The following TAFA1 variants were observed in gnomAD, a reference collection of about 807,000 sequenced individuals.
The protein encoded by TAFA1 is chemokine-like protein TAFA-1.
TAFA1 carries 4 observed loss-of-function variants against 18.5 expected under a neutral mutation model. The observed-to-expected ratio is 0.22, with a 90% confidence interval of 0.11 to 0.49. TAFA1 has a LOEUF of 0.49. TAFA1 is among the 20% of genes least tolerant of loss of function. TAFA1 has a pLI of 0.98. For synonymous variants in TAFA1, 56 were observed against 55.2 expected (o/e 1.01, Z -0.06); for missense variants, 147 against 169.0 (o/e 0.87, Z 0.72).
At chr3:68,434,688 AT>A (rs2071239874) in intron 3 of TAFA1, among the ~76,000 whole-genome samples, 1 of 152,170 alleles carries the variant, frequency 6.6e-6, no homozygotes. Flanking sequence ...CTACATGATT[AT>A]TCTGATGGGA....
intron 2 of TAFA1, among the ~76,000 whole-genome samples, chr3:68,171,579 GA>G (rs1246186556): frequency 2.0e-5 from 3 of 152,110 alleles, no homozygotes; most frequent in African/African-American, 7.2e-5. Flanking sequence ...CCATACACAG[GA>G]AAAGAAGCCA....
chr3:68,345,995 T>G (rs1463179288), intron 2 of TAFA1, among the ~76,000 whole-genome samples: 1 of 152,162 alleles, frequency 6.6e-6, no homozygotes, highest in African/African-American at 2.4e-5. Flanking sequence ...CCAGAAGGAA[T>G]GGCTGGCTAC....
chr3:68,178,164 C>T (rs2066149793), intron 2 of TAFA1, among the ~76,000 whole-genome samples: 1 of 151,286 alleles, frequency 6.6e-6, no homozygotes, highest in Admixed American at 6.6e-5. Context: ...AAAAAAAATA[C>T]ATGACCCTGC....
At chr3:68,138,833 G>A (rs1380182630) in intron 2 of TAFA1, among the ~76,000 whole-genome samples, 2 of 152,202 alleles carry the variant, frequency 1.3e-5, no homozygotes, top group African/African-American at 2.4e-5. Flanking sequence ...TCATAACAGT[G>A]AGGTTGCCTT....
At chr3:68,160,539 C>G (rs945467741) in intron 2 of TAFA1, among the ~76,000 whole-genome samples, 1 of 152,146 alleles carries the variant, frequency 6.6e-6, no homozygotes, top group Non-Finnish European at 1.5e-5. Flanking sequence ...TATTTAATCT[C>G]CCTATTCATC....
At chr3:68,518,055 A>G (rs1407100216) in intron 3 of TAFA1, among the ~76,000 whole-genome samples, 1 of 152,190 alleles carries the variant, frequency 6.6e-6, no homozygotes, top group Non-Finnish European at 1.5e-5. Flanking sequence ...ACTTCCACTG[A>G]GATTCCCTTT....
intron 3 of TAFA1, among the ~76,000 whole-genome samples, chr3:68,486,268 T>C (rs924315165): frequency 2.0e-5 from 3 of 151,968 alleles, no homozygotes; most frequent in African/African-American, 7.3e-5. Flanking sequence ...AAATTCTTAT[T>C]AAACAGATTT....
intron 3 of TAFA1, among the ~76,000 whole-genome samples, chr3:68,493,960 G>C (rs927102346): frequency 6.6e-6 from 1 of 152,118 alleles, no homozygotes; most frequent in African/African-American, 2.4e-5. Flanking sequence ...AGTTTATTCA[G>C]TCTCTGATCT....
At chr3:68,401,063 C>T (rs1292021520) in intron 2 of TAFA1, among the ~76,000 whole-genome samples, 1 of 152,196 alleles carries the variant, frequency 6.6e-6, no homozygotes, top group African/African-American at 2.4e-5. Context: ...TCAGTGAAAG[C>T]AGGCGTGACC....
chr3:68,419,522 T>A (rs2070914941), intron 3 of TAFA1, among the ~76,000 whole-genome samples: 2 of 152,180 alleles, frequency 1.3e-5, no homozygotes, highest in Admixed American at 1.3e-4. Flanking sequence ...GCAAAGGGAC[T>A]ATAAATCTCT....
intron 3 of TAFA1, among the ~76,000 whole-genome samples, chr3:68,445,488 A>G (rs1158067226): frequency 1.3e-5 from 2 of 152,200 alleles, no homozygotes; most frequent in African/African-American, 4.8e-5. Context: ...AGAATTCTCC[A>G]TAGATATTTA....
chr3:68,217,986 C>T (rs1300961865), intron 2 of TAFA1, among the ~76,000 whole-genome samples: 2 of 152,020 alleles, frequency 1.3e-5, no homozygotes, highest in African/African-American at 2.4e-5. Flanking sequence ...ATACTAAATG[C>T]CATATGCTGT....
intron 2 of TAFA1, among the ~76,000 whole-genome samples, chr3:68,017,883 A>C (rs1436709284): frequency 6.6e-6 from 1 of 152,224 alleles, no homozygotes; most frequent in Non-Finnish European, 1.5e-5. Context: ...AGCAGGAAGC[A>C]ATTCATTCTG....
At chr3:68,378,438 C>T (rs528721539) in intron 2 of TAFA1, among the ~76,000 whole-genome samples, 24 of 152,274 alleles carry the variant, frequency 1.6e-4, no homozygotes, top group African/African-American at 4.6e-4. Flanking sequence ...ATGCCTGTAA[C>T]CACATTGTAT....
chr3:68,259,544 C>T (rs921948440), intron 2 of TAFA1, among the ~76,000 whole-genome samples: 7 of 152,030 alleles, frequency 4.6e-5, no homozygotes, highest in South Asian at 2.1e-4. Flanking sequence ...GCCATTTTCA[C>T]GATATTGATT....
rs1307913269 is a variant in TAFA1 at position 68,022,983 on chromosome 3, T to A, written c.118+16239T>A. On this transcript the variant is annotated intron_variant, in intron 2 of 4. Transcript: ENST00000478136. ...TTACTCTTGTTTTTTTTTTTTTTTTTACTTTGTACCAGTGAAGGAAATCAG... is the reference window on the plus strand; with the variant it reads ...TTACTCTTGTTTTTTTTTTTTTTTTAACTTTGTACCAGTGAAGGAAATCAG... 2.7e-5 allele frequency among the ~76,000 whole-genome samples: 4 copies of A among 148,652 alleles called. No homozygotes were observed. The East Asian group carries it at 7.8e-4, about 29-fold the overall frequency.
chr3:68,061,493 G>A (rs909509107), intron 2 of TAFA1, among the ~76,000 whole-genome samples: 2 of 152,102 alleles, frequency 1.3e-5, no homozygotes, highest in Non-Finnish European at 2.9e-5. Context: ...AGGGATACAA[G>A]GTCTGAGTAG....
At chr3:68,221,515 C>T (rs2066729852) in intron 2 of TAFA1, among the ~76,000 whole-genome samples, 1 of 152,066 alleles carries the variant, frequency 6.6e-6, no homozygotes, top group Admixed American at 6.5e-5. Flanking sequence ...TTTTAAATGT[C>T]ACAGACAAAA....
the TAFA1 span, among the ~76,000 whole-genome samples, chr3:67,994,999 T>C: frequency 6.6e-6 from 1 of 151,490 alleles, no homozygotes; most frequent in African/African-American, 2.4e-5. Flanking sequence ...CAAACATGGC[T>C]TTGAACACTT....
Sources: gnomAD v4.1 joint callset for allele counts (sites outside exome capture counted in the v4.1 genomes callset) on GRCh38, gnomAD v4.1.1 for gene constraint, MANE v1.5 for transcripts, NCBI Gene and HGNC (gene_info 2026-07-23, HGNC 2026-07-21) for gene names.